Variants in MICU1 observed in about 807,000 individuals in gnomAD.
MICU1 encodes the protein calcium uptake protein 1, mitochondrial.
In MICU1, 45 loss-of-function variants were observed where a neutral mutation model predicts 56.8. The ratio of observed to expected loss-of-function variants is 0.79; its 90% CI spans 0.62 to 1.02. The LOEUF is 1.02. MICU1 is among the 50% of genes least tolerant of loss of function. The pLI is 0.00. For synonymous variants in MICU1, 186 were observed against 195.1 expected (o/e 0.95, Z 0.39); for missense variants, 504 against 587.1 (o/e 0.86, Z 1.46).
chr10:72,572,605 G>T (rs918571219), intron 1 of MICU1, among the ~76,000 whole-genome samples: 12 of 151,920 alleles, frequency 7.9e-5, no homozygotes, highest in Admixed American at 2.0e-4. Flanking sequence ...TATTAAAAAT[G>T]ATAATAATAA....
intron 6 of MICU1, among the ~76,000 whole-genome samples, chr10:72,505,182 T>C (rs191697773): frequency 1.3e-5 from 2 of 152,184 alleles, no homozygotes; most frequent in Non-Finnish European, 2.9e-5. Flanking sequence ...TTTCACCATG[T>C]TGGCCAGGCT....
At chr10:72,458,788 C>G (rs1357355138) in intron 8 of MICU1, among the ~76,000 whole-genome samples, 1 of 151,196 alleles carries the variant, frequency 6.6e-6, no homozygotes, top group Admixed American at 6.6e-5. Flanking sequence ...CGGCTCACTG[C>G]AGCCTCAGAC....
At chr10:72,448,175 A>G (rs11000305) in intron 8 of MICU1, among the ~76,000 whole-genome samples, 2,192 of 38,010 alleles carry the variant, frequency 0.058, 131 homozygotes, top group African/African-American at 0.08. Flanking sequence ...ATGTGTGTGT[A>G]TATATATATA....
At chr10:72,455,350 C>CCAAAAA (rs1266151652) in intron 8 of MICU1, among the ~76,000 whole-genome samples, 1 of 44,204 alleles carries the variant, frequency 2.3e-5, no homozygotes, top group African/African-American at 6.7e-5. Context: ...GACTCTGTCT[C>CCAAAAA]AAAAAAAAAA....
chr10:72,453,099 T>C (rs545407682), intron 8 of MICU1, among the ~76,000 whole-genome samples: 18 of 152,310 alleles, frequency 1.2e-4, no homozygotes, highest in Admixed American at 1.1e-3. Context: ...AATGATTACA[T>C]GTGCAAATAA....
At chr10:72,547,034 G>A (rs2132435378) in intron 4 of MICU1, among the ~76,000 whole-genome samples, 1 of 152,152 alleles carries the variant, frequency 6.6e-6, no homozygotes, top group East Asian at 1.9e-4. Flanking sequence ...TGGGACTACA[G>A]GCGCTCGCCA....
At chr10:72,600,121 G>T (rs983226950) in intron 1 of MICU1, among the ~76,000 whole-genome samples, 1 of 149,006 alleles carries the variant, frequency 6.7e-6, no homozygotes, top group African/African-American at 2.5e-5. Context: ...GTGAAACCCC[G>T]TCTCTACCAA....
chr10:72,440,480 T>C (rs987285903), intron 8 of MICU1, among the ~76,000 whole-genome samples: 3 of 152,176 alleles, frequency 2.0e-5, no homozygotes, highest in Non-Finnish European at 4.4e-5. Context: ...ATTCAGGACA[T>C]AGGCATGGGC....
chr10:72,609,391 A>T (rs1338216365), intron 1 of MICU1, among the ~76,000 whole-genome samples: 2 of 152,146 alleles, frequency 1.3e-5, no homozygotes, highest in African/African-American at 4.8e-5. Flanking sequence ...TATAATCTCC[A>T]CGCTTTGGGA....
At chr10:72,455,937 A>T (rs1865444699) in intron 8 of MICU1, among the ~76,000 whole-genome samples, 1 of 152,162 alleles carries the variant, frequency 6.6e-6, no homozygotes, top group African/African-American at 2.4e-5. Flanking sequence ...CTGGATTATA[A>T]GAATATGTAG....
chr10:72,425,153 A>C (rs981033154), intron 8 of MICU1, among the ~76,000 whole-genome samples: 1 of 152,232 alleles, frequency 6.6e-6, no homozygotes, highest in Non-Finnish European at 1.5e-5. Context: ...GTAAAAGTTC[A>C]CCTATGGGCT....
chr10:72,393,595 T>C (rs1320080900), intron 10 of MICU1, among the ~76,000 whole-genome samples: 5 of 152,112 alleles, frequency 3.3e-5, no homozygotes, highest in Admixed American at 6.6e-5. Context: ...ACAGGGGCCA[T>C]GGCATAGGTA....
At chr10:72,389,088 T>A (rs56280400) in intron 10 of MICU1, among the ~76,000 whole-genome samples, 6,720 of 152,296 alleles carry the variant, frequency 0.044, 394 homozygotes, top group African/African-American at 0.13. Flanking sequence ...GTGTTCCAGA[T>A]GTGTGATGGC....
At chr10:72,443,219 T>C (rs932667233) in intron 8 of MICU1, among the ~76,000 whole-genome samples, 5 of 152,180 alleles carry the variant, frequency 3.3e-5, no homozygotes, top group African/African-American at 4.8e-5. Flanking sequence ...ATGGGGTTGT[T>C]TGTTTTTTCC....
intron 9 of MICU1, 42 bp from the exon 10 acceptor site, chr10:72,408,079 A>G: frequency 7.6e-7 from 1 of 1,315,516 alleles, no homozygotes; most frequent in Non-Finnish European, 1.1e-6. Context: ...GACCTGTAAC[A>G]AAAAGCAGCA....
intron 10 of MICU1, among the ~76,000 whole-genome samples, chr10:72,392,514 T>C (rs1334819558): frequency 2.6e-5 from 4 of 152,120 alleles, no homozygotes; most frequent in African/African-American, 9.7e-5. Flanking sequence ...GAGGTTGCGG[T>C]GAGCCAAGAT....
At chr10:72,576,153 G>A (rs932287566) in intron 1 of MICU1, among the ~76,000 whole-genome samples, 1 of 145,418 alleles carries the variant, frequency 6.9e-6, no homozygotes, top group Non-Finnish European at 1.5e-5. Flanking sequence ...GGCAGAGGTT[G>A]CAGTGAGCTG....
intron 6 of MICU1, among the ~76,000 whole-genome samples, chr10:72,482,602 T>A (rs1045106181): frequency 3.3e-5 from 5 of 152,086 alleles, no homozygotes; most frequent in Non-Finnish European, 4.4e-5. Context: ...TTTTTCCTCA[T>A]GCACAGTCCA....
intron 10 of MICU1, among the ~76,000 whole-genome samples, chr10:72,377,389 G>C (rs938211862): frequency 6.6e-6 from 1 of 151,982 alleles, no homozygotes; most frequent in Admixed American, 6.6e-5. Flanking sequence ...CAAAGTGCTG[G>C]GATTACAGGG....
Sources: gnomAD v4.1 joint callset for allele counts (sites outside exome capture counted in the v4.1 genomes callset) on GRCh38, gnomAD v4.1.1 for gene constraint, MANE v1.5 for transcripts, NCBI Gene and HGNC (gene_info 2026-07-23, HGNC 2026-07-21) for gene names.